Variants in ADGRD1 observed in about 807,000 individuals in gnomAD.
ADGRD1 encodes the protein G-protein coupled receptor 133.
Under a neutral mutation model 113.4 loss-of-function variants are expected in ADGRD1, and 77 were observed. The ratio of observed to expected loss-of-function variants is 0.68; its 90% CI spans 0.57 to 0.82. The LOEUF (loss-of-function observed/expected upper bound fraction) is 0.82, where lower values mean the gene tolerates loss of function less well. Among genes scored for constraint, ADGRD1 ranks in the 40% least tolerant of loss-of-function variants. The pLI, the probability that ADGRD1 is intolerant of heterozygous loss-of-function variation, is 0.00. For synonymous variants in ADGRD1, 474 were observed against 475.0 expected, an observed-to-expected ratio of 1.00 and a Z score of 0.03; for missense variants, 1,036 against 1,139.1, an observed-to-expected ratio of 0.91 and a Z score of 1.30.
In ADGRD1 at chr12:131,108,760, T is replaced by C. The variant is rs962182097; in HGVS notation, c.1924T>C (p.Phe642Leu). Reference sequence around the variant, plus strand: ...AGTGATGGCCGTGCTCCTACACTACTTCTTCCTGAGTGCCTTCGCATGGAT... The same window carrying C: ...AGTGATGGCCGTGCTCCTACACTACCTCTTCCTGAGTGCCTTCGCATGGAT... ...CQVMAVLLHY[F>L]FLSAFAWMLV... is the part of the protein sequence containing the mutation. The change falls in exon 18 of 25, where the codon TTC becomes CTC. Residue 642 changes from phenylalanine (F) to leucine (L), a missense_variant. Physicochemically the swap from Phe to Leu is conservative, Grantham distance 22 (BLOSUM62 0). Coordinates refer to ENST00000261654, the MANE Select transcript of ADGRD1 (RefSeq NM_198827.5). The C allele has an allele frequency of 1.2e-6, 2 of 1,614,110 alleles. No homozygotes were observed. The highest frequency in any genetic ancestry group is 1.7e-5 in the Admixed American group (1 of 60,018).
chr12:131,002,823 G>A (rs556479026), intron 9 of ADGRD1: 25 of 1,235,746 alleles, frequency 2.0e-5, no homozygotes, highest in African/African-American at 3.1e-5. Context: ...GCCCCTCCTC[G>A]TGAAGCACAG....
rs996865415 is a variant in ADGRD1 at position 131,003,453 on chromosome 12, C to T, written c.1144+151C>T. 1.7e-5 allele frequency: 11 copies of T among 662,018 alleles called. No individual in the cohort carries two copies. Among genetic ancestry groups the T allele is most frequent in the African/African-American group, 5.3e-5 (3 of 56,564 alleles). 41.0% of individuals were successfully genotyped at this position (662,018 alleles called of 1,614,324 possible). Reference sequence around the variant, plus strand: ...ACAAACCACATTTGGAAGGAAAACCCGTGGTCAGATGAGGGCAGGTGTGTT... The same window carrying T: ...ACAAACCACATTTGGAAGGAAAACCTGTGGTCAGATGAGGGCAGGTGTGTT... On this transcript the variant is annotated intron_variant, in intron 10 of 24. Coordinates refer to ENST00000261654, the MANE Select transcript of ADGRD1 (RefSeq NM_198827.5). This position sits in a 1 kb window ranked among gnomAD's most constrained non-coding sequence, Gnocchi z 4.8.
At chr12:131,123,924 C>G (rs1166152331) in intron 20 of ADGRD1, among the ~76,000 whole-genome samples, 1 of 152,126 alleles carries the variant, frequency 6.6e-6, no homozygotes, top group East Asian at 1.9e-4. Flanking sequence ...TTTCTTGGCA[C>G]ACAGCCACGT....
At chr12:130,988,843 T>G (rs1036312383) in intron 6 of ADGRD1, 1 of 152,274 alleles carries the variant, frequency 6.6e-6, no homozygotes, top group Non-Finnish European at 1.5e-5. Flanking sequence ...TCCATGCACC[T>G]TCCATGAGTC....
At chr12:131,042,991 C>T (rs923533703) in intron 13 of ADGRD1, among the ~76,000 whole-genome samples, 1 of 152,258 alleles carries the variant, frequency 6.6e-6, no homozygotes, top group Non-Finnish European at 1.5e-5. Flanking sequence ...CCCTGCGGCC[C>T]TGCCAACCTG....
intron 20 of ADGRD1, among the ~76,000 whole-genome samples, chr12:131,123,560 G>A (rs1199288774): frequency 1.3e-5 from 2 of 151,952 alleles, no homozygotes; most frequent in East Asian, 2.0e-4. Context: ...GGTGGCTCAC[G>A]CCTGTAATCC....
chr12:130,985,101 GTTT>G (rs34234061), intron 5 of ADGRD1, among the ~76,000 whole-genome samples: 8 of 143,248 alleles, frequency 5.6e-5, no homozygotes, highest in Non-Finnish European at 7.6e-5. Context: ...TGTCTCACTA[GTTT>G]TTTTTTTTTT....
chr12:131,131,866 A>G (rs757053466), intron 21 of ADGRD1, 50 bp downstream of exon 21: 46 of 1,243,406 alleles, frequency 3.7e-5, no homozygotes, highest in Non-Finnish European at 5.5e-5. Flanking sequence ...CTGCCCCCAG[A>G]GGATGCTTTG....
At chr12:130,975,107 C>G (rs191001006) in intron 4 of ADGRD1, among the ~76,000 whole-genome samples, 2 of 152,304 alleles carry the variant, frequency 1.3e-5, no homozygotes, top group East Asian at 3.9e-4. Flanking sequence ...AGTGAGCACA[C>G]AGGTGGGGAA....
At chr12:131,017,253 TCAGTCCACACACACC>T (rs1464191501) in intron 13 of ADGRD1, among the ~76,000 whole-genome samples, 175 of 134,416 alleles carry the variant, frequency 1.3e-3, no homozygotes, top group African/African-American at 5.1e-3. Flanking sequence ...CCACATACAC[TCAGTCCACACACACC>T]CAGTCCACAC....
rs1951213084 is a variant in ADGRD1 at position 131,140,287 on chromosome 12, T to G, written c.*1024T>G. On this transcript the variant is annotated 3_prime_UTR_variant, in exon 25 of 25. Coordinates refer to ENST00000261654, the MANE Select transcript of ADGRD1 (RefSeq NM_198827.5). ...GGCAGGTAGCACAGTGCGCTCCGTC[T>G]GGTCACCATGAGACCGACCTGCGCT... The G allele has an allele frequency of 6.6e-6, 1 of 152,196 alleles. No individual in the cohort carries two copies. The allele number at this position is 152,196 out of a possible 1,614,324, so 9.4% of individuals were successfully genotyped here.
intron 16 of ADGRD1, 36 bp downstream of exon 16, chr12:131,104,970 C>A (rs369192180): frequency 1.5e-6 from 2 of 1,371,214 alleles, no homozygotes; most frequent in Non-Finnish European, 2.0e-6. Flanking sequence ...AACAGTCTCT[C>A]GGCCCCTGCC....
intron 7 of ADGRD1, 109 bp downstream of exon 7, chr12:130,991,187 G>T: frequency 1.2e-6 from 1 of 809,770 alleles, no homozygotes. Flanking sequence ...GTTATCGGCA[G>T]TACATTGTCT....
In ADGRD1 at chr12:131,105,776, C is replaced by T. The variant is rs200986302; in HGVS notation, c.1798C>T (p.Gln600Ter). ...CAGCTCCGTGAGCACCATCCGGAACCAGCGCTACCACATCCACGCCAACCT... is the reference window on the plus strand; with the variant it reads ...CAGCTCCGTGAGCACCATCCGGAACTAGCGCTACCACATCCACGCCAACCT... ...VLSSVSTIRN[Q>*]RYHIHANLSF... The change falls in exon 17 of 25, where the codon CAG becomes TAG. Residue 600 changes from glutamine (Q) to a stop codon, truncating the protein, a stop_gained. Transcript: ENST00000261654. LOFTEE classifies it high-confidence loss of function. 1.2e-6 allele frequency: 2 copies of T among 1,601,422 alleles called. No individual in the cohort carries two copies. The highest frequency in any genetic ancestry group is 1.7e-6 in the Non-Finnish European group (2 of 1,179,918).
chr12:131,014,390 A>G, intron 13 of ADGRD1, 50 bp downstream of exon 13: 4 of 1,555,070 alleles, frequency 2.6e-6, no homozygotes, highest in South Asian at 1.2e-5. Flanking sequence ...CTGGTTTCAC[A>G]CTGAGGAATG....
chr12:130,966,650 G>T lies in ADGRD1; in HGVS notation c.187+104G>T. ...TGGCCTTGAAATCCCAGGGCCATTG[G>T]GGGACGTGGGTGCTGAGAGTGACTG... On this transcript the variant is annotated intron_variant, in intron 3 of 24. Coordinates refer to ENST00000261654, the MANE Select transcript of ADGRD1 (RefSeq NM_198827.5). This position sits in a 1 kb window ranked among gnomAD's most constrained non-coding sequence, Gnocchi z 4.6. 1.3e-6 allele frequency: 1 copy of T among 755,910 alleles called. No homozygotes were observed. The highest frequency in any genetic ancestry group is 2.4e-6 in the Non-Finnish European group (1 of 414,238). 46.8% of individuals were successfully genotyped at this position (755,910 alleles called of 1,614,324 possible). A position where few individuals can be genotyped will look rare whatever the true frequency, so the allele number is the denominator to read the frequency against.
At position 130,984,243 on chromosome 12, in the gene ADGRD1, T is replaced by A. The variant is rs934621628; in HGVS notation, c.490+2180T>A. On this transcript the variant is annotated intron_variant, in intron 5 of 24. Transcript: ENST00000261654. The surrounding 1 kb of genome is among the most constrained non-coding windows in gnomAD (Gnocchi z 4.1). ...AAAATTAAGATTTTCCAATTTCTTT[T>A]GGAAATAAAAAGACTGGCAAGGCAG... Among the ~76,000 whole-genome samples, 2 of 152,236 alleles carry A rather than the reference T, an allele frequency of 1.3e-5. No individual in the cohort carries two copies. The highest frequency in any genetic ancestry group is 4.8e-5 in the African/African-American group (2 of 41,460).
At chr12:131,099,429 T>C (rs1950018123) in intron 15 of ADGRD1, among the ~76,000 whole-genome samples, 1 of 152,176 alleles carries the variant, frequency 6.6e-6, no homozygotes, top group South Asian at 2.1e-4. Context: ...AACTAGAAAG[T>C]CCCTGTAGTA....
At chr12:131,125,256 C>T (rs772812905) in intron 20 of ADGRD1, among the ~76,000 whole-genome samples, 7 of 152,124 alleles carry the variant, frequency 4.6e-5, no homozygotes, top group East Asian at 3.8e-4. Flanking sequence ...CAGCCCATAA[C>T]GCCTGATTTT....
Sources: gnomAD v4.1 joint callset for allele counts (sites outside exome capture counted in the v4.1 genomes callset) on GRCh38, gnomAD v4.1.1 for gene constraint, Gnocchi (gnomAD v3.1) non-coding constraint, MANE v1.5 for transcripts, NCBI Gene and HGNC (gene_info 2026-07-23, HGNC 2026-07-21) for gene names.